The following ABCC12 variants were observed in gnomAD, a reference collection of about 807,000 sequenced individuals.
ABCC12 encodes ATP-binding cassette sub-family C member 12.
ABCC12 carries 142 observed loss-of-function variants against 151.1 expected under a neutral mutation model. That is an observed-to-expected ratio of 0.94 (90% confidence interval 0.82 to 1.08). The LOEUF (loss-of-function observed/expected upper bound fraction) is 1.08, where lower values mean the gene tolerates loss of function less well. Among genes scored for constraint, ABCC12 ranks in the 50% least tolerant of loss-of-function variants. The pLI is 0.00. For missense variants in ABCC12, 1,638 were observed against 1,691.1 expected, an observed-to-expected ratio of 0.97 and a Z score of 0.55; for synonymous variants, 645 against 646.4, an observed-to-expected ratio of 1.00 and a Z score of 0.03.
At position 48,113,369 on chromosome 16, in the gene ABCC12, A is replaced by T. The variant is rs9889104; in HGVS notation, c.1990-1459T>A. 3.1e-3 allele frequency among the ~76,000 whole-genome samples: 469 copies of T among 152,314 alleles called. 1 individual carries two copies. The highest frequency in any genetic ancestry group is 0.011 in the African/African-American group (447 of 41,576). ...AAGCCTGTTCCAGTCCCATAGCCAC[A>T]GCACACGCTCCAGCTCCAGGAGCTC... On this transcript the variant is annotated intron_variant, in intron 15 of 30. Transcript: ENST00000311303.
At chr16:48,154,177 C>T (rs1437684714) in intron 1 of ABCC12, among the ~76,000 whole-genome samples, 6 of 152,146 alleles carry the variant, frequency 3.9e-5, no homozygotes, top group Admixed American at 3.9e-4. Flanking sequence ...GTCACTGGTG[C>T]ACCCCTCTGC....
chr16:48,146,068 C>T (rs1246048024), intron 3 of ABCC12, among the ~76,000 whole-genome samples: 1 of 151,480 alleles, frequency 6.6e-6, no homozygotes, highest in Admixed American at 6.5e-5. Flanking sequence ...AGCACTTGGA[C>T]AGGTCTGGAT....
At chr16:48,118,494 G>A (rs1011633905) in intron 13 of ABCC12, among the ~76,000 whole-genome samples, 1 of 152,230 alleles carries the variant, frequency 6.6e-6, no homozygotes, top group African/African-American at 2.4e-5. Context: ...TCAGCAGGTT[G>A]CCTGCCTCCA....
At chr16:48,116,124 A>G (rs761560039) in intron 14 of ABCC12, among the ~76,000 whole-genome samples, 12 of 152,192 alleles carry the variant, frequency 7.9e-5, no homozygotes, top group Non-Finnish European at 1.8e-4. Flanking sequence ...CTGGTTCATC[A>G]TCACCACCCT....
At chr16:48,132,906 T>C (rs983959829) in intron 9 of ABCC12, among the ~76,000 whole-genome samples, 1 of 152,204 alleles carries the variant, frequency 6.6e-6, no homozygotes, top group Admixed American at 6.5e-5. Flanking sequence ...AGAGGCTCAA[T>C]GATTTGCTAT....
chr16:48,098,548 T>C (rs1963191191), intron 23 of ABCC12, among the ~76,000 whole-genome samples: 1 of 152,242 alleles, frequency 6.6e-6, no homozygotes, highest in Admixed American at 6.5e-5. Context: ...CAAAATATTC[T>C]TCAAAACACA....
chr16:48,130,842 C>A lies in ABCC12; in HGVS notation c.1182G>T (p.Leu394Phe), dbSNP rs143244509. 3.7e-6 allele frequency: 6 copies of A among 1,613,744 alleles called. No individual in the cohort carries two copies. The highest frequency in any genetic ancestry group is 1.7e-5 in the Admixed American group (1 of 60,004). The change falls in exon 10 of 31, where the codon TTG becomes TTT. Residue 394 changes from leucine (L) to phenylalanine (F), a missense_variant. Physicochemically the swap from Leu to Phe is conservative, Grantham distance 22. Transcript: ENST00000311303. ...FNVMKFSIAI[L>F]PFSIKAMAEA... ...CAGCCATTGCTTTGATGGAGAAGGG[C>A]AAGATTGCAATGGAAAACTTCATTA...
chr16:48,088,028 AT>A lies in ABCC12; in HGVS notation c.3532del (p.Ile1178SerfsTer20), dbSNP rs768050551. 4 of 1,614,206 alleles carry A rather than the reference AT, an allele frequency of 2.5e-6. No homozygotes were observed. In the South Asian group the frequency reaches 4.4e-5, roughly 18 times the overall value. On this transcript the variant is annotated frameshift_variant, in exon 27 of 31. Transcript: ENST00000311303. LOFTEE classifies it high-confidence loss of function. ...FRLVEPASGTIFIDEVDICIL... is the reference protein window; with the variant it reads ...FRLVEPASGTXFIDEVDICIL... ...GCAGATATCCACCTCATCAATAAAG[AT>A]TGTGCCACTGGCTGGCTCCACCAGA...
chr16:48,115,759 A>C, intron 14 of ABCC12, 141 bp from the exon 15 acceptor site: 1 of 868,602 alleles, frequency 1.2e-6, no homozygotes, highest in Non-Finnish European at 1.7e-6. Flanking sequence ...TCCGCCCCTT[A>C]CAGGGCCCCC....
At chr16:48,104,070 G>C (rs1358549650) in intron 22 of ABCC12, 72 bp downstream of exon 22, 1 of 1,476,680 alleles carries the variant, frequency 6.8e-7, no homozygotes, top group Admixed American at 1.9e-5. Context: ...AGCACTCCAT[G>C]CTCAATATCA....
intron 20 of ABCC12, 137 bp from the exon 21 acceptor site, chr16:48,105,473 A>C: frequency 2.3e-6 from 2 of 888,724 alleles, no homozygotes; most frequent in African/African-American, 1.7e-5. Context: ...GGTGGATACA[A>C]TCTAGTCTGT....
Position 48,102,379 on chromosome 16 carries a change from A to G in ABCC12, c.2901-1370T>C, listed in dbSNP as rs8061392. ...TTCTGTAACTGAGCTTTGAGCCCCT[A>G]TGCTCAGGCTTGCTCCCATCCTGTG... On this transcript the variant is annotated intron_variant, in intron 22 of 30. Transcript: ENST00000311303. Among the ~76,000 whole-genome samples the G allele has an allele frequency of 1.5e-3, 230 of 152,326 alleles. 1 individual carries two copies. The highest frequency in any genetic ancestry group is 5.2e-3 in the African/African-American group (215 of 41,564).
chr16:48,109,205 G>A (rs1963602097), intron 18 of ABCC12, among the ~76,000 whole-genome samples: 1 of 152,176 alleles, frequency 6.6e-6, no homozygotes, highest in African/African-American at 2.4e-5. Context: ...GAGTGAGCAA[G>A]AAAGAGGCAG....
At position 48,088,665 on chromosome 16, in the gene ABCC12, C is replaced by A. The variant is rs1962740929; in HGVS notation, c.3355G>T (p.Glu1119Ter). Residue 1119 changes from glutamate to a stop codon, truncating the protein, a stop_gained, in exon 26 of 31, where the codon GAG (glutamate) becomes TAG (stop). Coordinates refer to ENST00000311303, the MANE Select transcript of ABCC12 (RefSeq NM_001393797.1). LOFTEE classifies it high-confidence loss of function. ...TCPKDWPSRGEITFRDYQMRY... is the reference protein window; with the variant it reads ...TCPKDWPSRG ...ATCTGATAGTCTCTGAAGGTGATCTCCCCACGGCTGGGCCAGTCCTTGGGA... is the reference window on the plus strand; with the variant it reads ...ATCTGATAGTCTCTGAAGGTGATCTACCCACGGCTGGGCCAGTCCTTGGGA... 6.2e-7 allele frequency: 1 copy of A among 1,614,194 alleles called. No homozygotes were observed. The highest frequency in any genetic ancestry group is 8.5e-7 in the Non-Finnish European group (1 of 1,180,022).
At position 48,085,698 on chromosome 16, in the gene ABCC12, T is replaced by C; in HGVS notation, c.3723A>G (p.Lys1241=). Residue 1241 remains lysine (K), a synonymous_variant, in exon 29 of 31, where the codon AAA becomes AAG. Coordinates refer to ENST00000311303, the MANE Select transcript of ABCC12 (RefSeq NM_001393797.1). ...ERTFMRDTIM[K]LPEKLQAEVT... ...CTTCTGCCTGTAATTTTTCTGGGAG[T>C]TTCATTATCTACAAAACACAAAAAA... The C allele has an allele frequency of 6.2e-7, 1 of 1,613,504 alleles. No individual in the cohort carries two copies.
At chr16:48,141,741 G>A (rs1281905269) in intron 4 of ABCC12, among the ~76,000 whole-genome samples, 2 of 152,218 alleles carry the variant, frequency 1.3e-5, no homozygotes, top group Non-Finnish European at 2.9e-5. Flanking sequence ...CAGGAGTGTG[G>A]TGCACAAAGA....
rs1220606882 is a variant in ABCC12 at position 48,122,065 on chromosome 16, C to T, written c.1588-225G>A. On this transcript the variant is annotated intron_variant, in intron 12 of 30. Coordinates refer to ENST00000311303, the MANE Select transcript of ABCC12 (RefSeq NM_001393797.1). The stretch of plus-strand genomic sequence containing the variant: ...CAGGCAGGGAATGCTTGAAAAGAGG[C>T]AGTGGTAAGCTCTGCTACAAATGGG... Among the ~76,000 whole-genome samples the T allele has an allele frequency of 2.0e-5, 3 of 152,234 alleles. No individual in the cohort carries two copies. In the East Asian group the frequency reaches 5.8e-4, roughly 29 times the overall value.
intron 2 of ABCC12, among the ~76,000 whole-genome samples, chr16:48,149,880 A>C (rs1965094265): frequency 6.6e-6 from 1 of 152,212 alleles, no homozygotes; most frequent in South Asian, 2.1e-4. Flanking sequence ...CACAATCACA[A>C]TAACAGCCAT....
At chr16:48,092,621 GT>G in intron 24 of ABCC12, among the ~76,000 whole-genome samples, 1 of 152,332 alleles carries the variant, frequency 6.6e-6, no homozygotes, top group Admixed American at 6.5e-5. Context: ...CCAGGTACTG[GT>G]TGGGGTGCCG....
Sources: allele counts gnomAD v4.1 joint callset (sites outside exome capture counted in the v4.1 genomes callset), GRCh38; gene constraint gnomAD v4.1.1; transcripts MANE v1.5; gene names NCBI Gene and HGNC (gene_info 2026-07-23, HGNC 2026-07-21).